The following PCDHGB2 variants were observed in gnomAD, a reference collection of about 807,000 sequenced individuals.
PCDHGB2 encodes the protein protocadherin gamma-B2.
PCDHGB2 carries 55 observed loss-of-function variants against 59.3 expected under a neutral mutation model. The ratio of observed to expected loss-of-function variants is 0.93; its 90% CI spans 0.75 to 1.16. PCDHGB2 has a LOEUF of 1.16. Among genes scored for constraint, PCDHGB2 ranks in the 50% most tolerant of loss-of-function variants. The probability of loss-of-function intolerance (pLI) is 0.00; values close to 1 mark genes in which losing one functional copy is unlikely to be tolerated. For missense variants in PCDHGB2, 1,228 were observed against 1,198.5 expected (o/e 1.02, Z -0.36); for synonymous variants, 516 against 512.0 (o/e 1.01, Z -0.11).
chr5:141,399,755 G>C (rs1420211451), intron 1 of PCDHGB2: 1 of 1,613,232 alleles, frequency 6.2e-7, no homozygotes, highest in Non-Finnish European at 8.5e-7. Context: ...GCAAACGTGA[G>C]CCTGCGCGTG....
intron 1 of PCDHGB2, among the ~76,000 whole-genome samples, chr5:141,472,437 G>A (rs1332528325): frequency 6.6e-6 from 1 of 152,116 alleles, no homozygotes; most frequent in Non-Finnish European, 1.5e-5. Flanking sequence ...CTACTAGGGA[G>A]GCTGAGGCAG....
At chr5:141,423,833 T>A in intron 1 of PCDHGB2, 1 of 1,262,398 alleles carries the variant, frequency 7.9e-7, no homozygotes, top group Non-Finnish European at 1.0e-6. Context: ...TTCATGAGAT[T>A]ACGATAATCT....
At chr5:141,371,062 G>C in intron 1 of PCDHGB2, 1 of 1,613,974 alleles carries the variant, frequency 6.2e-7, no homozygotes, top group African/African-American at 1.3e-5. Context: ...CCCTCCAGAA[G>C]CTGTACCACC....
intron 1 of PCDHGB2, chr5:141,375,222 G>C: frequency 6.2e-7 from 1 of 1,613,926 alleles, no homozygotes; most frequent in Non-Finnish European, 8.5e-7. Flanking sequence ...GGCCTGAATG[G>C]CCTGGTAACC....
At chr5:141,498,194 T>C (rs1014641829) in intron 2 of PCDHGB2, among the ~76,000 whole-genome samples, 16 of 152,254 alleles carry the variant, frequency 1.1e-4, no homozygotes, top group African/African-American at 3.6e-4. Context: ...ATTAACCAGC[T>C]AAAGAAAAGA....
At chr5:141,399,475 C>T (rs1561669837) in intron 1 of PCDHGB2, 1 of 1,614,022 alleles carries the variant, frequency 6.2e-7, no homozygotes. Context: ...GGTTTTCCAC[C>T]AGGCGTCCTA....
At chr5:141,428,034 T>A (rs768728101) in intron 1 of PCDHGB2, 8 of 1,607,778 alleles carry the variant, frequency 5.0e-6, no homozygotes, top group Middle Eastern at 1.7e-4. Context: ...AGAGTCCGGC[T>A]ACCTGGTGAC....
chr5:141,461,027 C>G (rs993151622), intron 1 of PCDHGB2, among the ~76,000 whole-genome samples: 2 of 150,168 alleles, frequency 1.3e-5, no homozygotes, highest in Non-Finnish European at 3.0e-5. Flanking sequence ...TTTTCTTTAT[C>G]CACTCATTAG....
chr5:141,374,760 C>A, intron 1 of PCDHGB2: 1 of 1,613,440 alleles, frequency 6.2e-7, no homozygotes, highest in Non-Finnish European at 8.5e-7. Flanking sequence ...TCAAGCGTCG[C>A]CCAAATTCTG....
chr5:141,411,258 A>G (rs1415319110), intron 1 of PCDHGB2: 1 of 152,200 alleles, frequency 6.6e-6, no homozygotes, highest in African/African-American at 2.4e-5. Flanking sequence ...TATCTTATTT[A>G]TATATTTTTA....
At position 141,431,367 on chromosome 5, in the gene PCDHGB2, A is replaced by G; in HGVS notation, c.2422-63440A>G. 1.2e-6 allele frequency: 2 copies of G among 1,613,984 alleles called. No homozygotes were observed. The highest frequency in any genetic ancestry group is 2.2e-5 in the South Asian group (2 of 91,084). On this transcript the variant is annotated intron_variant, in intron 1 of 3. Coordinates refer to ENST00000522605, the MANE Select transcript of PCDHGB2 (RefSeq NM_018923.3). This position sits in a 1 kb window ranked among gnomAD's most constrained non-coding sequence, Gnocchi z 4.8. ...GTGCTGAAACGCGCCCTGGACCGCGAAGAAAAGGCTGCTCACCACCTGGTC... is the reference window on the plus strand; with the variant it reads ...GTGCTGAAACGCGCCCTGGACCGCGGAGAAAAGGCTGCTCACCACCTGGTC...
At chr5:141,458,058 C>T (rs997664641) in intron 1 of PCDHGB2, among the ~76,000 whole-genome samples, 3 of 152,196 alleles carry the variant, frequency 2.0e-5, no homozygotes, top group Non-Finnish European at 4.4e-5. Context: ...TCTTGCTGCA[C>T]TGATGCGAAC....
chr5:141,371,009 G>A, intron 1 of PCDHGB2: 1 of 1,614,004 alleles, frequency 6.2e-7, no homozygotes, highest in East Asian at 2.2e-5. Context: ...GGGAAGAGCA[G>A]CCACATCACC....
chr5:141,415,044 G>T, intron 1 of PCDHGB2: 2 of 1,613,506 alleles, frequency 1.2e-6, no homozygotes, highest in East Asian at 2.2e-5. Flanking sequence ...TCTTCGCGGT[G>T]GGGGAGCACA....
rs766460257 is a variant in PCDHGB2, at chr5:141,398,407, G to A, written c.2421+35851G>A. 4.0e-5 allele frequency: 59 copies of A among 1,474,004 alleles called. No homozygotes were observed. The Middle Eastern group carries it at 1.0e-3, about 26-fold the overall frequency. 91.3% of individuals were successfully genotyped at this position (1,474,004 alleles called of 1,614,324 possible). A position where few individuals can be genotyped will look rare whatever the true frequency, so the allele number is the denominator to read the frequency against. On this transcript the variant is annotated intron_variant, in intron 1 of 3. Transcript: ENST00000522605. ...TGTGAGCAGCAGGCTAGACAGGGAG[G>A]AGATATGCGGGAAGAAGCCAGCTTG...
At position 141,389,882 on chromosome 5, in the gene PCDHGB2, G is replaced by T. The variant is rs761230157; in HGVS notation, c.2421+27326G>T. On this transcript the variant is annotated intron_variant, in intron 1 of 3. Transcript: ENST00000522605. ...TGCACCTGGTCTTCGCCGACAGCTT[G>T]CAGGAGGTGCTGCCGGATATCACTG... 1.1e-5 allele frequency: 18 copies of T among 1,614,082 alleles called. No homozygotes were observed. The South Asian group carries it at 1.9e-4, about 17-fold the overall frequency.
At chr5:141,496,768 A>G (rs997951321) in intron 2 of PCDHGB2, among the ~76,000 whole-genome samples, 10 of 152,260 alleles carry the variant, frequency 6.6e-5, no homozygotes, top group African/African-American at 2.4e-4. Context: ...TCGAGCATCT[A>G]CTATGAGCAG....
At chr5:141,414,844 C>T (rs769714220) in intron 1 of PCDHGB2, 3 of 1,614,216 alleles carry the variant, frequency 1.9e-6, no homozygotes, top group South Asian at 2.2e-5. Flanking sequence ...CCTGTTTGTG[C>T]TGGACCAGAA....
intron 2 of PCDHGB2, among the ~76,000 whole-genome samples, chr5:141,499,029 A>G (rs140948405): frequency 1.5e-3 from 205 of 140,068 alleles, no homozygotes; most frequent in African/African-American, 5.5e-3. Context: ...AGGAAGGAAG[A>G]AAAGAAAGAA....
Sources: gnomAD v4.1 joint callset for allele counts (sites outside exome capture counted in the v4.1 genomes callset) on GRCh38, gnomAD v4.1.1 for gene constraint, Gnocchi (gnomAD v3.1) non-coding constraint, MANE v1.5 for transcripts, NCBI Gene and HGNC (gene_info 2026-07-23, HGNC 2026-07-21) for gene names.